CDC42BPA: variants seen among roughly 807,000 people sequenced by gnomAD.
CDC42BPA encodes the protein serine/threonine-protein kinase MRCK alpha.
Under a neutral mutation model 223.5 loss-of-function variants are expected in CDC42BPA, and 80 were observed. The ratio of observed to expected loss-of-function variants is 0.36; its 90% CI spans 0.30 to 0.43. The LOEUF (loss-of-function observed/expected upper bound fraction) is 0.43. Ranked by LOEUF, CDC42BPA falls within the 20% of genes least tolerant of loss-of-function variation. The pLI is 1.00. For synonymous variants in CDC42BPA, 694 were observed against 718.6 expected (o/e 0.97, Z 0.55); for missense variants, 1,743 against 2,099.9 (o/e 0.83, Z 3.32).
At chr1:227,267,068 T>A (rs1398862) in intron 1 of CDC42BPA, among the ~76,000 whole-genome samples, 1 of 151,896 alleles carries the variant, frequency 6.6e-6, no homozygotes, top group African/African-American at 2.4e-5. Context: ...AAGGATATTA[T>A]AAGATTAGGA....
chr1:227,272,140 A>G (rs943670330), intron 1 of CDC42BPA, among the ~76,000 whole-genome samples: 6 of 152,214 alleles, frequency 3.9e-5, no homozygotes, highest in Admixed American at 3.9e-4. Context: ...GAGAATGTAA[A>G]GATAATTTTA....
At chr1:227,201,185 T>C (rs1671693475) in intron 3 of CDC42BPA, among the ~76,000 whole-genome samples, 1 of 152,110 alleles carries the variant, frequency 6.6e-6, no homozygotes, top group South Asian at 2.1e-4. Flanking sequence ...CTCACTCTAT[T>C]GCCCAAGCTG....
chr1:227,173,363 G>A (rs1666420171), intron 5 of CDC42BPA, among the ~76,000 whole-genome samples: 1 of 152,150 alleles, frequency 6.6e-6, no homozygotes, highest in African/African-American at 2.4e-5. Context: ...CTCAGCTACT[G>A]GAAGATGGTC....
intron 5 of CDC42BPA, among the ~76,000 whole-genome samples, chr1:227,191,618 C>T (rs1669716242): frequency 6.6e-6 from 1 of 152,166 alleles, no homozygotes; most frequent in South Asian, 2.1e-4. Context: ...TCAAGAATTA[C>T]ATATAAACTG....
intron 18 of CDC42BPA, 92 bp downstream of exon 18, chr1:227,074,167 A>T: frequency 7.6e-7 from 1 of 1,319,868 alleles, no homozygotes; most frequent in South Asian, 1.3e-5. Context: ...AAGTCTAAAC[A>T]AACTGATATA....
chr1:227,120,979 A>T (rs1688567980), intron 11 of CDC42BPA, among the ~76,000 whole-genome samples: 1 of 152,204 alleles, frequency 6.6e-6, no homozygotes, highest in Admixed American at 6.5e-5. Flanking sequence ...TGAGCAGTTC[A>T]CAATAGGGTT....
At chr1:227,019,651 A>AT (rs1413135975) in intron 32 of CDC42BPA, among the ~76,000 whole-genome samples, 2 of 151,588 alleles carry the variant, frequency 1.3e-5, no homozygotes, top group African/African-American at 4.9e-5. Flanking sequence ...TCCATGGGCT[A>AT]CAGAATGGAT....
intron 2 of CDC42BPA, among the ~76,000 whole-genome samples, chr1:227,236,604 TACAAA>T (rs1274203371): frequency 1.3e-5 from 2 of 152,270 alleles, no homozygotes; most frequent in African/African-American, 4.8e-5. Context: ...TACATACAAC[TACAAA>T]ACAAATTATG....
chr1:227,161,039 T>C (rs1195673078), intron 5 of CDC42BPA, among the ~76,000 whole-genome samples: 1 of 152,184 alleles, frequency 6.6e-6, no homozygotes, highest in Admixed American at 6.5e-5. Flanking sequence ...TTCTAGACCT[T>C]AAGATAACTG....
intron 1 of CDC42BPA, among the ~76,000 whole-genome samples, chr1:227,310,853 A>AT (rs34400893): frequency 0.011 from 1,688 of 148,236 alleles, 14 homozygotes; most frequent in Middle Eastern, 0.039. Flanking sequence ...CGCCCGGCTA[A>AT]TTTTTTTTTT....
chr1:227,037,411 C>T (rs1929857), intron 24 of CDC42BPA, among the ~76,000 whole-genome samples: 77 of 152,206 alleles, frequency 5.1e-4, no homozygotes, highest in Non-Finnish European at 9.7e-4. Flanking sequence ...TAAATCTCTG[C>T]TTTCTTAACC....
chr1:227,275,028 G>T (rs192000508), intron 1 of CDC42BPA, among the ~76,000 whole-genome samples: 2 of 152,016 alleles, frequency 1.3e-5, no homozygotes, highest in East Asian at 3.9e-4. Flanking sequence ...ACAAAAGTTT[G>T]AACAATCTAA....
intron 35 of CDC42BPA, among the ~76,000 whole-genome samples, chr1:227,003,607 T>C (rs1663359463): frequency 1.3e-5 from 2 of 152,204 alleles, no homozygotes; most frequent in African/African-American, 4.8e-5. Flanking sequence ...TTCTCTCATT[T>C]TGAGGTAAGT....
chr1:227,222,052 CAA>C lies in CDC42BPA; in HGVS notation c.271-8835_271-8834del, dbSNP rs60588018. On this transcript the variant is annotated intron_variant, in intron 2 of 36. Coordinates refer to ENST00000366766, the MANE Select transcript of CDC42BPA (RefSeq NM_001394014.1). ...CAACATAGGAAGACCCTATCTCTAC[CAA>C]AAAAAAAAAAAAAAAAAAAAAAAAA... Among the ~76,000 whole-genome samples the C allele has an allele frequency of 8.2e-3, 708 of 86,444 alleles. 5 individuals carry two copies. The highest frequency in any genetic ancestry group is 0.028 in the African/African-American group (648 of 23,004). 56.7% of individuals were successfully genotyped at this position (86,444 alleles called of 152,430 possible). A position where few individuals can be genotyped will look rare whatever the true frequency, so the allele number is the denominator to read the frequency against.
intron 8 of CDC42BPA, among the ~76,000 whole-genome samples, chr1:227,144,918 G>C (rs1184268223): frequency 6.6e-6 from 1 of 152,124 alleles, no homozygotes; most frequent in Admixed American, 6.5e-5. Context: ...ATTTAGTCCT[G>C]GAATCTGCCC....
At chr1:227,255,259 T>C (rs1682841383) in intron 1 of CDC42BPA, among the ~76,000 whole-genome samples, 1 of 152,172 alleles carries the variant, frequency 6.6e-6, no homozygotes, top group Admixed American at 6.5e-5. Context: ...CTTCCTTCCA[T>C]GGAGCCAGAG....
intron 16 of CDC42BPA, among the ~76,000 whole-genome samples, chr1:227,082,262 T>A (rs1331385643): frequency 2.9e-5 from 1 of 34,414 alleles, no homozygotes; most frequent in Non-Finnish European, 5.7e-5. Context: ...CCCAAGCTGG[T>A]CTCAAGATTC....
At chr1:227,173,860 A>G (rs552016932) in intron 5 of CDC42BPA, among the ~76,000 whole-genome samples, 69 of 152,290 alleles carry the variant, frequency 4.5e-4, no homozygotes, top group Admixed American at 2.0e-3. Context: ...CTTGCAAATT[A>G]TCAAAACTAA....
intron 4 of CDC42BPA, among the ~76,000 whole-genome samples, chr1:227,195,939 A>T (rs1057027255): frequency 6.6e-6 from 1 of 152,220 alleles, no homozygotes; most frequent in Admixed American, 6.5e-5. Context: ...TAGGCTAAGA[A>T]TATTAACAGA....
Sources: allele counts gnomAD v4.1 joint callset (sites outside exome capture counted in the v4.1 genomes callset), GRCh38; gene constraint gnomAD v4.1.1; transcripts MANE v1.5; gene names NCBI Gene and HGNC (gene_info 2026-07-23, HGNC 2026-07-21).